Variants in MAJIN observed in about 807,000 individuals in gnomAD.
The protein encoded by MAJIN is membrane anchored junction protein.
MAJIN carries 27 observed loss-of-function variants against 30.2 expected under a neutral mutation model. The ratio of observed to expected loss-of-function variants is 0.89; its 90% CI spans 0.66 to 1.23. MAJIN has a LOEUF of 1.23. Ranked by LOEUF, MAJIN falls within the 50% of genes most tolerant of loss-of-function variation. MAJIN has a pLI of 0.00. For missense variants in MAJIN, 253 were observed against 260.3 expected (o/e 0.97, Z 0.19); for synonymous variants, 78 against 91.6 (o/e 0.85, Z 0.85).
At chr11:64,966,686 C>A (rs1291653279) in intron 1 of MAJIN, among the ~76,000 whole-genome samples, 1 of 152,118 alleles carries the variant, frequency 6.6e-6, no homozygotes, top group Non-Finnish European at 1.5e-5. Context: ...GTAATCCCAG[C>A]ACTCTGGGAG....
At chr11:64,963,861 A>T (rs1945765629) in intron 1 of MAJIN, among the ~76,000 whole-genome samples, 1 of 152,118 alleles carries the variant, frequency 6.6e-6, no homozygotes, top group African/African-American at 2.4e-5. Context: ...GAGTGTGGGT[A>T]ACAAAATATA....
intron 8 of MAJIN, among the ~76,000 whole-genome samples, chr11:64,942,378 C>A (rs1192019510): frequency 6.6e-6 from 1 of 152,024 alleles, no homozygotes; most frequent in Non-Finnish European, 1.5e-5. Context: ...GTGCACCCAT[C>A]ATCCAAGTAG....
intron 8 of MAJIN, among the ~76,000 whole-genome samples, chr11:64,943,934 A>G (rs763528503): frequency 1.3e-5 from 2 of 152,242 alleles, no homozygotes; most frequent in African/African-American, 4.8e-5. Flanking sequence ...GGGGTTGACT[A>G]TCTGCCCAAA....
At position 64,944,488 on chromosome 11, in the gene MAJIN, A is replaced by G. The variant is rs139526636; in HGVS notation, c.473+2886T>C. Among the ~76,000 whole-genome samples, 930 of 152,302 alleles carry G rather than the reference A, an allele frequency of 6.1e-3. 15 individuals are homozygous for G. The highest frequency in any genetic ancestry group is 0.022 in the African/African-American group (899 of 41,554). ...ATTCTGGGCAACATGGCAAAACCCC[A>G]TCTCTACAAAAAATACAAAAATTAG... On this transcript the variant is annotated intron_variant, in intron 8 of 10. Transcript: ENST00000301896.
intron 4 of MAJIN, among the ~76,000 whole-genome samples, chr11:64,951,530 C>A (rs961596005): frequency 1.3e-5 from 2 of 152,110 alleles, no homozygotes; most frequent in Non-Finnish European, 2.9e-5. Flanking sequence ...TCTGCGAGGC[C>A]AAGGCAGGTG....
intron 10 of MAJIN, among the ~76,000 whole-genome samples, chr11:64,938,950 G>A (rs1565116022): frequency 6.6e-6 from 1 of 152,156 alleles, no homozygotes; most frequent in East Asian, 1.9e-4. Flanking sequence ...GTTTTTTTGA[G>A]ACAGAGTCTT....
chr11:64,965,288 T>C (rs978106597), intron 1 of MAJIN, among the ~76,000 whole-genome samples: 2 of 151,930 alleles, frequency 1.3e-5, no homozygotes, highest in African/African-American at 4.8e-5. Flanking sequence ...TTGGTGGGAG[T>C]AGGAGGAATA....
At chr11:64,947,510 G>T in intron 7 of MAJIN, 45 bp from the exon 8 acceptor site, 2 of 1,570,012 alleles carry the variant, frequency 1.3e-6, no homozygotes, top group Non-Finnish European at 8.8e-7. Flanking sequence ...TTCCAGAGTT[G>T]CTCACAGTTC....
In MAJIN at chr11:64,941,179, C is replaced by T. The variant is rs1467618452; in HGVS notation, c.474-533G>A. ...CATTTCAACATCCAAACTACTGTCC[C>T]TCTAAAACCATAAGATTTAAGAGCC... On this transcript the variant is annotated intron_variant, in intron 8 of 10. Transcript: ENST00000301896. Among the ~76,000 whole-genome samples the T allele has an allele frequency of 2.0e-5, 3 of 152,226 alleles. No homozygotes were observed. The East Asian group carries it at 5.8e-4, about 29-fold the overall frequency.
At chr11:64,944,005 C>A (rs1319513500) in intron 8 of MAJIN, among the ~76,000 whole-genome samples, 1 of 152,184 alleles carries the variant, frequency 6.6e-6, no homozygotes, top group Non-Finnish European at 1.5e-5. Flanking sequence ...CCCCTGCACA[C>A]AGAGGCAGAG....
chr11:64,939,844 C>T, intron 9 of MAJIN, 77 bp from the exon 10 acceptor site: 1 of 1,275,638 alleles, frequency 7.8e-7, no homozygotes. Flanking sequence ...GCCAAACACC[C>T]AGTATGAGCC....
At chr11:64,947,858 C>CTTT (rs35160886) in intron 6 of MAJIN, 39 bp from the exon 7 acceptor site, 422 of 1,214,954 alleles carry the variant, frequency 3.5e-4, no homozygotes, top group South Asian at 6.8e-4. Flanking sequence ...AGATTTAAGA[C>CTTT]TTTTTTTTTT....
At chr11:64,943,833 A>C (rs1182614234) in intron 8 of MAJIN, among the ~76,000 whole-genome samples, 2 of 152,250 alleles carry the variant, frequency 1.3e-5, no homozygotes, top group African/African-American at 4.8e-5. Flanking sequence ...TCTTGGTTGT[A>C]TAAAGTGTCT....
chr11:64,942,937 G>A (rs1253638193), intron 8 of MAJIN, among the ~76,000 whole-genome samples: 2 of 152,110 alleles, frequency 1.3e-5, no homozygotes, highest in Admixed American at 6.5e-5. Flanking sequence ...AAAGGCCCTG[G>A]GACAGAGGTA....
At chr11:64,948,577 G>GCACC (rs1408424143) in intron 6 of MAJIN, among the ~76,000 whole-genome samples, 103 of 102,716 alleles carry the variant, frequency 1.0e-3, no homozygotes, top group African/African-American at 3.7e-3. Context: ...CTACAGGCAT[G>GCACC]CACCACCACC....
chr11:64,940,634 T>G lies in MAJIN; in HGVS notation c.486A>C (p.Glu162Asp). 1 of 1,614,020 alleles carries G rather than the reference T, an allele frequency of 6.2e-7. No homozygotes were observed. Among genetic ancestry groups the G allele is most frequent in the Non-Finnish European group, 8.5e-7 (1 of 1,179,956 alleles). Residue 162 changes from glutamate (E) to aspartate (D), a missense_variant, in exon 9 of 11, where the codon GAA becomes GAC. Coordinates refer to ENST00000301896, the MANE Select transcript of MAJIN (RefSeq NM_001037225.3). ...GTCTCCTGCAATCCTTGTTGGGTTTTTCTTTCCCTATTCTGTTAAAAAGAA... is the reference window on the plus strand; with the variant it reads ...GTCTCCTGCAATCCTTGTTGGGTTTGTCTTTCCCTATTCTGTTAAAAAGAA... Reference protein sequence around the residue: ...SRPGLDRIGKEKPNKDCRRLW... With the variant: ...SRPGLDRIGKDKPNKDCRRLW...
chr11:64,949,622 A>G, intron 6 of MAJIN, 121 bp downstream of exon 6: 1 of 1,300,368 alleles, frequency 7.7e-7, no homozygotes, highest in Non-Finnish European at 1.1e-6. Context: ...CCTGGAGCAC[A>G]TGATCCTGAC....
chr11:64,958,215 G>A (rs1364825239), intron 3 of MAJIN, among the ~76,000 whole-genome samples: 3 of 150,858 alleles, frequency 2.0e-5, no homozygotes, highest in East Asian at 3.9e-4. Context: ...CTCCCAAAGT[G>A]CTGGGATTAC....
chr11:64,939,863 T>C, intron 9 of MAJIN, 96 bp from the exon 10 acceptor site: 1 of 1,059,390 alleles, frequency 9.4e-7, no homozygotes, highest in African/African-American at 1.6e-5. Flanking sequence ...CCAGAGGCAG[T>C]CTCACGCCAA....
Sources: gnomAD v4.1 joint callset for allele counts (sites outside exome capture counted in the v4.1 genomes callset) on GRCh38, gnomAD v4.1.1 for gene constraint, MANE v1.5 for transcripts, NCBI Gene and HGNC (gene_info 2026-07-23, HGNC 2026-07-21) for gene names.